The following ZFC3H1 variants were observed in gnomAD, a reference collection of about 807,000 sequenced individuals.
ZFC3H1 encodes zinc finger C3H1 domain-containing protein.
ZFC3H1 carries 71 observed loss-of-function variants against 243.7 expected under a neutral mutation model. The observed-to-expected ratio is 0.29, with a 90% confidence interval of 0.24 to 0.36. ZFC3H1 has a LOEUF of 0.36. Among genes scored for constraint, ZFC3H1 ranks in the 10% least tolerant of loss-of-function variants. The probability of loss-of-function intolerance (pLI) is 1.00; values close to 1 mark genes in which losing one functional copy is unlikely to be tolerated. For missense variants in ZFC3H1, 1,966 were observed against 2,317.1 expected, an observed-to-expected ratio of 0.85 and a Z score of 3.11; for synonymous variants, 838 against 813.0, an observed-to-expected ratio of 1.03 and a Z score of -0.52.
chr12:71,630,507 G>C (rs1565812721), intron 18 of ZFC3H1, 93 bp downstream of exon 18: 3 of 1,444,300 alleles, frequency 2.1e-6, no homozygotes, highest in Non-Finnish European at 2.8e-6. Context: ...CTGAATTATA[G>C]TAAGTATTTT....
In ZFC3H1 at chr12:71,628,997, C is replaced by G. The variant is rs959463864; in HGVS notation, c.3867G>C (p.Lys1289Asn). ...FTTYKDKRKWKPKFWRKPISD... is the reference protein window; with the variant it reads ...FTTYKDKRKWNPKFWRKPISD... ...AAATAGGTTTTCTCCAAAACTTTGG[C>G]TTCCACTTTCTTTTATCTTTGTAGG... is the stretch of plus-strand genomic sequence containing the variant. Residue 1289 changes from lysine to asparagine, a missense_variant, in exon 20 of 35, where the codon AAG becomes AAC. Around this residue, in one of 4 missense-constraint regions of ZFC3H1, gnomAD observed 1,383 missense variants for 1,723.7 expected, o/e 0.80. Transcript: ENST00000378743. The G allele has an allele frequency of 6.2e-7, 1 of 1,612,956 alleles. No homozygotes were observed. The highest frequency in any genetic ancestry group is 1.3e-5 in the African/African-American group (1 of 74,860).
intron 3 of ZFC3H1, among the ~76,000 whole-genome samples, chr12:71,646,065 A>G (rs546819498): frequency 3.9e-5 from 6 of 152,270 alleles, no homozygotes; most frequent in African/African-American, 1.4e-4. Context: ...TTGTAATTAT[A>G]TTTTCTCCTA....
At chr12:71,644,818 C>T in intron 4 of ZFC3H1, 59 bp downstream of exon 4, 1 of 1,567,410 alleles carries the variant, frequency 6.4e-7, no homozygotes, top group South Asian at 1.2e-5. Context: ...AACTCTGTCT[C>T]AAAAAACAAA....
intron 1 of ZFC3H1, chr12:71,660,429 T>C (rs1464569184): frequency 6.6e-6 from 1 of 151,630 alleles, no homozygotes; most frequent in African/African-American, 2.4e-5. Context: ...GTGCAGCATC[T>C]GTGAAAAGAA....
At chr12:71,660,641 G>C (rs958661853) in intron 1 of ZFC3H1, among the ~76,000 whole-genome samples, 2 of 151,936 alleles carry the variant, frequency 1.3e-5, no homozygotes, top group African/African-American at 4.8e-5. Context: ...GAGGACAAAA[G>C]CAGAAAGCCC....
chr12:71,632,489 C>T lies in ZFC3H1; in HGVS notation c.2843G>A (p.Ser948Asn). 2 of 1,568,580 alleles carry T rather than the reference C, an allele frequency of 1.3e-6. No homozygotes were observed. The highest frequency in any genetic ancestry group is 1.4e-5 in the African/African-American group (1 of 72,834). ...FGPNKMMRLD[S>N]SPVSSPRKHS... is the part of the protein sequence containing the mutation. The stretch of plus-strand genomic sequence containing the variant: ...CTTTCTTGGACTTGATACTGGAGAA[C>T]TGTCCAGTCTCATCATTTTGTTTGG... The change falls in exon 15 of 35, where the codon AGT (serine) becomes AAT (asparagine). Residue 948 changes from serine (S) to asparagine (N), a missense_variant. Ser to Asn is a conservative substitution (Grantham distance 46, BLOSUM62 1). Coordinates refer to ENST00000378743, the MANE Select transcript of ZFC3H1 (RefSeq NM_144982.5).
In ZFC3H1 at chr12:71,631,817, C is replaced by T; in HGVS notation, c.3431G>A (p.Arg1144Lys). 1 of 1,613,696 alleles carries T rather than the reference C, an allele frequency of 6.2e-7. No homozygotes were observed. Among genetic ancestry groups the T allele is most frequent in the Non-Finnish European group, 8.5e-7 (1 of 1,179,736 alleles). ...KTMEVKPCPF[R>K]PYHSPLLVFK... Reference sequence around the variant, plus strand: ...AACTAGAAGAGGACTATGGTAGGGTCTAAAAGGACATGGCTTCACTTCCAT... The same window carrying T: ...AACTAGAAGAGGACTATGGTAGGGTTTAAAAGGACATGGCTTCACTTCCAT... Residue 1144 changes from arginine to lysine, a missense_variant, in exon 16 of 35, where the codon AGA (arginine) becomes AAA (lysine). Arg to Lys is a conservative substitution (Grantham distance 26, BLOSUM62 2). This residue lies in a region of ZFC3H1 where 1,383 missense variants were observed against 1,723.7 expected (regional missense o/e 0.80). Transcript: ENST00000378743.
chr12:71,628,641 T>C (rs893333328), intron 20 of ZFC3H1, among the ~76,000 whole-genome samples: 2 of 152,184 alleles, frequency 1.3e-5, no homozygotes. Flanking sequence ...CACCAACTAA[T>C]GTATGTTTGG....
At chr12:71,615,017 T>C (rs1368460089) in intron 28 of ZFC3H1, 79 bp from the exon 29 acceptor site, 1 of 1,295,254 alleles carries the variant, frequency 7.7e-7, no homozygotes, top group Admixed American at 1.8e-5. Flanking sequence ...TTTTAAACAT[T>C]ACAGATGTTA....
rs1410832421 is a variant in ZFC3H1 at position 71,629,672 on chromosome 12, G to T, written c.3763C>A (p.Arg1255=). Residue 1255 remains arginine, a synonymous_variant, in exon 19 of 35, where the codon CGA becomes AGA. Coordinates refer to ENST00000378743, the MANE Select transcript of ZFC3H1 (RefSeq NM_144982.5). ...ACAGCCATCTGGTCCATTGACATTCGATCTTTGTTTACTCCAAAAAGTTTC... is the reference window on the plus strand; with the variant it reads ...ACAGCCATCTGGTCCATTGACATTCTATCTTTGTTTACTCCAAAAAGTTTC... ...VEKLFGVNKD[R]MSMDQMAVLL... The T allele has an allele frequency of 3.1e-6, 5 of 1,610,076 alleles. No homozygotes were observed. The African/African-American group carries it at 4.0e-5, about 13-fold the overall frequency.
At position 71,610,121 on chromosome 12, in the gene ZFC3H1, TA is replaced by T. The variant is rs150088226; in HGVS notation, c.*306del. ...CAAAATAAAGGAATGGGGGAGAAAA[TA>T]AAAAAAAACAAAGCAAAATTAAAAT... On this transcript the variant is annotated 3_prime_UTR_variant, in exon 35 of 35. Coordinates refer to ENST00000378743, the MANE Select transcript of ZFC3H1 (RefSeq NM_144982.5). 7.0e-3 allele frequency: 1,346 copies of T among 191,110 alleles called. 20 individuals carry two copies. The highest frequency in any genetic ancestry group is 0.03 in the African/African-American group (1,258 of 42,200). 11.8% of individuals were successfully genotyped at this position (191,110 alleles called of 1,614,324 possible).
At chr12:71,621,863 C>G (rs982709836) in intron 24 of ZFC3H1, among the ~76,000 whole-genome samples, 1 of 151,390 alleles carries the variant, frequency 6.6e-6, no homozygotes, top group African/African-American at 2.4e-5. Flanking sequence ...CTCTAATATC[C>G]TCCTTACCAG....
chr12:71,663,249 G>A lies in ZFC3H1; in HGVS notation c.362C>T (p.Ser121Leu), dbSNP rs886420918. The A allele has an allele frequency of 2.5e-6, 4 of 1,613,790 alleles. No individual in the cohort carries two copies. Among genetic ancestry groups the A allele is most frequent in the Non-Finnish European group, 3.4e-6 (4 of 1,180,040 alleles). ...RSHPPSVRMPSSSLSESSPRP... is the reference protein window; with the variant it reads ...RSHPPSVRMPLSSLSESSPRP... ...GGGACTGCTTTCGGACAGTGAGCTC[G>A]AAGGCATCCGTACAGAAGGCGGATG... is the stretch of plus-strand genomic sequence containing the variant. Residue 121 changes from serine (S) to leucine (L), a missense_variant, in exon 1 of 35, where the codon TCG (serine) becomes TTG (leucine). Physicochemically the swap from Ser to Leu is moderately radical, Grantham distance 145 (BLOSUM62 -2). Transcript: ENST00000378743.
chr12:71,660,517 C>T (rs1235746567), intron 1 of ZFC3H1: 2 of 144,492 alleles, frequency 1.4e-5, no homozygotes, highest in African/African-American at 5.1e-5. Flanking sequence ...TTTTCTGGTA[C>T]TTTTTTTTTT....
In ZFC3H1 at chr12:71,663,844, G is replaced by T. The variant is rs1014696589; in HGVS notation, c.-234C>A. On this transcript the variant is annotated 5_prime_UTR_variant, in exon 1 of 35. Coordinates refer to ENST00000378743, the MANE Select transcript of ZFC3H1 (RefSeq NM_144982.5). ...GCCCCCTTGCTCCTCAGCGATCGGG[G>T]TTCTTCCGCCTCGCGAGAAAGGGAC... 12 of 566,088 alleles carry T rather than the reference G, an allele frequency of 2.1e-5. No homozygotes were observed. The highest frequency in any genetic ancestry group is 3.4e-5 in the Non-Finnish European group (11 of 321,110). 35.1% of individuals were successfully genotyped at this position (566,088 alleles called of 1,614,324 possible). A position where few individuals can be genotyped will look rare whatever the true frequency, so the allele number is the denominator to read the frequency against.
chr12:71,631,959 A>AT lies in ZFC3H1; in HGVS notation c.3360+12_3360+13insA. ...ATTCCAGATTTTAAAGAAAATATGA[A>AT]ATGTTCAGTTACCTGACCATGCAAA... is the stretch of plus-strand genomic sequence containing the variant. On this transcript the variant is annotated intron_variant, in intron 15 of 34. Coordinates refer to ENST00000378743, the MANE Select transcript of ZFC3H1 (RefSeq NM_144982.5). 1 of 1,603,192 alleles carries AT rather than the reference A, an allele frequency of 6.2e-7. No homozygotes were observed. Among genetic ancestry groups the AT allele is most frequent in the Non-Finnish European group, 8.5e-7 (1 of 1,176,108 alleles).
At position 71,627,754 on chromosome 12, in the gene ZFC3H1, T is replaced by G. The variant is rs1233920259; in HGVS notation, c.4127A>C (p.Glu1376Ala). The change falls in exon 21 of 35, where the codon GAG (glutamate) becomes GCG (alanine). Residue 1376 changes from glutamate (E) to alanine (A), a missense_variant. By Grantham distance (107) the Glu-to-Ala change is moderately radical. Around this residue, in one of 4 missense-constraint regions of ZFC3H1, gnomAD observed 1,383 missense variants for 1,723.7 expected, o/e 0.80. Coordinates refer to ENST00000378743, the MANE Select transcript of ZFC3H1 (RefSeq NM_144982.5). ...KLAYKYLNQN[E>A]GECSESLDSA... is the part of the protein sequence containing the mutation. ...CAAAGATTTGAAGTTGACCTACCCC[T>G]CATTTTGATTCAAGTACTTGTACGC... The G allele has an allele frequency of 1.2e-6, 2 of 1,608,054 alleles. No individual in the cohort carries two copies. Among genetic ancestry groups the G allele is most frequent in the Non-Finnish European group, 1.7e-6 (2 of 1,177,618 alleles).
At chr12:71,639,303 GTTGAC>G (rs1315420615) in intron 6 of ZFC3H1, 1 of 161,412 alleles carries the variant, frequency 6.2e-6, no homozygotes, top group African/African-American at 2.4e-5. Flanking sequence ...CTTATATGGG[GTTGAC>G]TTGAGTCCCA....
chr12:71,659,316 T>A (rs1881103925), intron 1 of ZFC3H1, among the ~76,000 whole-genome samples: 1 of 152,204 alleles, frequency 6.6e-6, no homozygotes, highest in South Asian at 2.1e-4. Flanking sequence ...AATAAAAAAG[T>A]CCAAAATCCT....
Sources: gnomAD v4.1 joint callset for allele counts (sites outside exome capture counted in the v4.1 genomes callset) on GRCh38, gnomAD v4.1.1 for gene constraint, gnomAD v4.1.1 regional missense constraint, MANE v1.5 for transcripts, NCBI Gene and HGNC (gene_info 2026-07-23, HGNC 2026-07-21) for gene names.